SEMA4G: variants seen among roughly 807,000 people sequenced by gnomAD.
SEMA4G encodes the protein semaphorin 4G.
SEMA4G carries 59 observed loss-of-function variants against 81.2 expected under a neutral mutation model. The observed-to-expected ratio is 0.73, with a 90% confidence interval of 0.59 to 0.90. The LOEUF is 0.90. SEMA4G is among the 40% of genes least tolerant of loss of function. SEMA4G has a pLI of 0.00. For synonymous variants in SEMA4G, 404 were observed against 433.9 expected (o/e 0.93, Z 0.86); for missense variants, 952 against 1,102.3 (o/e 0.86, Z 1.93).
At chr10:100,977,752 C>G in intron 4 of SEMA4G, 22 bp downstream of exon 5, 1 of 1,579,616 alleles carries the variant, frequency 6.3e-7, no homozygotes, top group Non-Finnish European at 8.7e-7. Flanking sequence ...TGTGTTGTGC[C>G]AGATCTCTGT....
upstream of SEMA4G, among the ~76,000 whole-genome samples, chr10:100,970,554 C>T (rs116723732): frequency 4.1e-3 from 617 of 151,422 alleles, 5 homozygotes; most frequent in African/African-American, 0.014. Flanking sequence ...ACCACACACA[C>T]ACACACACAC....
exon 8 of SEMA4G, chr10:100,979,131 G>A (rs750733650): frequency 3.1e-6 from 5 of 1,614,074 alleles, no homozygotes; most frequent in Admixed American, 3.3e-5. Flanking sequence ...AGATCCTGCA[G>A]AAGAAGTGGA....
At chr10:100,980,795 C>T (rs111542775) in intron 11 of SEMA4G, 27 bp from the exon 13 acceptor site, 11 of 1,548,688 alleles carry the variant, frequency 7.1e-6, no homozygotes, top group African/African-American at 1.4e-5. Flanking sequence ...GGGACGCTGC[C>T]GACCAACTGT....
Position 100,982,231 on chromosome 10 carries a change from G to A in SEMA4G, c.1690+1002G>A, listed in dbSNP as rs574667033. Among the ~76,000 whole-genome samples the A allele has an allele frequency of 4.6e-5, 7 of 152,194 alleles. No homozygotes were observed. In the South Asian group the frequency reaches 1.5e-3, roughly 32 times the overall value. On this transcript the variant is annotated intron_variant, in intron 13 of 13. Transcript: ENST00000370250. ...CAAGCAGAGGGAGCAGCAGGCAGAG[G>A]GAGGCTGGCACATTTGAGTGACAGG...
At position 100,972,782 on chromosome 10, in the gene SEMA4G, T is replaced by TA. The variant is rs1328543428; in HGVS notation, c.-130dup. On this transcript the variant is annotated 5_prime_UTR_variant, in exon 1 of 14. It adds an upstream start codon to the 5' untranslated region. Coordinates refer to ENST00000370250, the Ensembl canonical transcript of SEMA4G. ...CATGATTCCTTGACTCCTATGACCTTATGACCCCTGACCTTCCAAGTGACT... is the reference window on the plus strand; with the variant it reads ...CATGATTCCTTGACTCCTATGACCTTAATGACCCCTGACCTTCCAAGTGACT... 18 of 932,016 alleles carry TA rather than the reference T, an allele frequency of 1.9e-5. No individual in the cohort carries two copies. The highest frequency in any genetic ancestry group is 7.2e-5 in the Admixed American group (3 of 41,550). The allele number at this position is 932,016 out of a possible 1,614,324, so 57.7% of individuals were successfully genotyped here.
chr10:100,974,728 G>A (rs1405108337), intron 3 of SEMA4G, among the ~76,000 whole-genome samples: 1 of 152,170 alleles, frequency 6.6e-6, no homozygotes, highest in Non-Finnish European at 1.5e-5. Flanking sequence ...CATTAATGAA[G>A]CATCAGCCCT....
chr10:100,984,555 G>A, exon 14 of SEMA4G: 1 of 1,536,176 alleles, frequency 6.5e-7, no homozygotes, highest in Non-Finnish European at 8.7e-7. Context: ...TGTGCTGGAT[G>A]GTCCTGAAAC....
chr10:100,977,805 G>T, intron 4 of SEMA4G, 75 bp downstream of exon 5: 1 of 1,263,008 alleles, frequency 7.9e-7, no homozygotes. Flanking sequence ...TGCCAAAGAA[G>T]AGACTCAGAG....
chr10:100,983,564 C>T (rs1486401615), exon 14 of SEMA4G: 1 of 1,613,816 alleles, frequency 6.2e-7, no homozygotes, highest in Non-Finnish European at 8.5e-7. Context: ...GTCTCACAGT[C>T]CGGCCAGCCA....
upstream of SEMA4G, among the ~76,000 whole-genome samples, chr10:100,971,457 G>A (rs1458120364): frequency 1.3e-5 from 2 of 152,178 alleles, no homozygotes; most frequent in Non-Finnish European, 2.9e-5. Flanking sequence ...ACCCCTCAGG[G>A]CTCTGCCCCT....
chr10:100,969,618 C>A, upstream of SEMA4G: 1 of 296,812 alleles, frequency 3.4e-6, no homozygotes, highest in Non-Finnish European at 6.9e-6. Flanking sequence ...GTGCGGGCGG[C>A]GCCCTGGCGT....
At chr10:100,975,009 G>A (rs1850735140) in intron 3 of SEMA4G, 1 of 534,038 alleles carries the variant, frequency 1.9e-6, no homozygotes, top group African/African-American at 1.9e-5. Context: ...CAGGGGTGGT[G>A]TTGGGACAGC....
exon 14 of SEMA4G, chr10:100,984,575 C>A (rs536866327): frequency 6.5e-7 from 1 of 1,536,180 alleles, no homozygotes; most frequent in Non-Finnish European, 8.7e-7. Context: ...CCAGACAAGA[C>A]CTCTGCCAGC....
At chr10:100,970,423 CTT>C (rs1370063255), upstream of SEMA4G, among the ~76,000 whole-genome samples, 2 of 152,054 alleles carry the variant, frequency 1.3e-5, no homozygotes, top group African/African-American at 4.8e-5. Context: ...TCCATTCCAT[CTT>C]TGCTGAAGCT....
At position 100,979,173 on chromosome 10, in the gene SEMA4G, C is replaced by T. The variant is rs751242836; in HGVS notation, c.885C>T (p.His295=). The change falls in exon 8 of 14, where the codon CAC becomes CAT. Residue 295 remains histidine, a synonymous_variant. Transcript: ENST00000370250. ...TCCTGAAAGCCCGTCTCATCTGCCACATTCCACTGTATGAGACACTGCGTG... is the reference window on the plus strand; with the variant it reads ...TCCTGAAAGCCCGTCTCATCTGCCATATTCCACTGTATGAGACACTGCGTG... 4 of 1,614,128 alleles carry T rather than the reference C, an allele frequency of 2.5e-6. No homozygotes were observed. The African/African-American group carries it at 5.3e-5, about 22-fold the overall frequency.
upstream of SEMA4G, chr10:100,969,672 C>T (rs1312100360): frequency 1.2e-5 from 4 of 343,190 alleles, no homozygotes; most frequent in African/African-American, 6.5e-5. Context: ...GCCTCCCCCA[C>T]GTCCATTCTA....
At position 100,972,768 on chromosome 10, in the gene SEMA4G, G is replaced by C; in HGVS notation, c.-145G>C. 1 of 743,000 alleles carries C rather than the reference G, an allele frequency of 1.3e-6. No individual in the cohort carries two copies. Among genetic ancestry groups the C allele is most frequent in the Non-Finnish European group, 2.1e-6 (1 of 471,534 alleles). The allele number at this position is 743,000 out of a possible 1,614,324, so 46.0% of individuals were successfully genotyped here. On this transcript the variant is annotated 5_prime_UTR_variant, in exon 1 of 14. An upstream open reading frame in the 5' UTR loses its in-frame stop. Coordinates refer to ENST00000370250, the Ensembl canonical transcript of SEMA4G. ...ACCCCCCATGGCCCCATGATTCCTTGACTCCTATGACCTTATGACCCCTGA... is the reference window on the plus strand; with the variant it reads ...ACCCCCCATGGCCCCATGATTCCTTCACTCCTATGACCTTATGACCCCTGA...
upstream of SEMA4G, chr10:100,969,690 A>G: frequency 2.8e-6 from 1 of 363,244 alleles, no homozygotes; most frequent in South Asian, 1.9e-5. Context: ...CTACCCTCCA[A>G]GCTGGGCCAG....
chr10:100,979,317 G>C, intron 8 of SEMA4G, 46 bp downstream of exon 9: 1 of 1,614,156 alleles, frequency 6.2e-7, no homozygotes, highest in South Asian at 1.1e-5. Context: ...GGACAGCATA[G>C]GGGCTGGAGC....
Sources: allele counts gnomAD v4.1 joint callset (sites outside exome capture counted in the v4.1 genomes callset), GRCh38; gene constraint gnomAD v4.1.1; transcripts MANE v1.5; gene names NCBI Gene and HGNC (gene_info 2026-07-23, HGNC 2026-07-21).